The following TASOR variants were observed in gnomAD, a reference collection of about 807,000 sequenced individuals.
The protein encoded by TASOR is transcription activation suppressor.
A neutral mutation model predicts 178.6 loss-of-function variants in TASOR; 53 were observed. The ratio of observed to expected loss-of-function variants is 0.30; its 90% CI spans 0.24 to 0.37. The LOEUF (loss-of-function observed/expected upper bound fraction) is 0.37. TASOR is among the 10% of genes least tolerant of loss of function. The probability of loss-of-function intolerance (pLI) is 1.00; values close to 1 mark genes in which losing one functional copy is unlikely to be tolerated. For synonymous variants in TASOR, 713 were observed against 696.2 expected (o/e 1.02, Z -0.38); for missense variants, 1,815 against 1,971.4 (o/e 0.92, Z 1.50).
Position 56,627,569 on chromosome 3 carries a change from A to T in TASOR, c.4030+13T>A. ...AGAAGAGGAGTTACGTGCTCAAAAGAACATCATCTTACCAACTGTGACAAC... is the reference window on the plus strand; with the variant it reads ...AGAAGAGGAGTTACGTGCTCAAAAGTACATCATCTTACCAACTGTGACAAC... On this transcript the variant is annotated intron_variant, in intron 20 of 23. Transcript: ENST00000683822. 1 of 1,613,628 alleles carries T rather than the reference A, an allele frequency of 6.2e-7. No homozygotes were observed. Among genetic ancestry groups the T allele is most frequent in the Non-Finnish European group, 8.5e-7 (1 of 1,179,870 alleles).
Position 56,654,954 on chromosome 3 carries a change from T to C in TASOR, c.1368+5777A>G, listed in dbSNP as rs543031916. On this transcript the variant is annotated intron_variant, in intron 11 of 23. Transcript: ENST00000683822. The stretch of plus-strand genomic sequence containing the variant: ...TGGGACATGTCAGCCTCCATAAATG[T>C]GTGAGCCAATTCTTTACAATAAATC... 1.1e-4 allele frequency among the ~76,000 whole-genome samples: 17 copies of C among 152,302 alleles called. 1 individual carries two copies. The East Asian group carries it at 1.9e-3, about 17-fold the overall frequency.
chr3:56,641,301 C>T (rs1460595436), intron 15 of TASOR, 48 bp downstream of exon 15: 1 of 1,490,366 alleles, frequency 6.7e-7, no homozygotes, highest in Non-Finnish European at 9.0e-7. Context: ...GCACCTCTTT[C>T]ACACACACAC....
intron 11 of TASOR, among the ~76,000 whole-genome samples, chr3:56,657,667 A>C (rs1044823312): frequency 6.6e-6 from 1 of 152,234 alleles, no homozygotes; most frequent in Non-Finnish European, 1.5e-5. Context: ...AGAGGTGCCA[A>C]GAAGACTATG....
rs952089847 is a variant in TASOR, at chr3:56,622,571, A to G, written c.*466T>C. ...CTAAATGAAACTGCACTGTTAGATA[A>G]ATCTTGAGGTATCGAGCCAAAATCC... is the stretch of plus-strand genomic sequence containing the variant. On this transcript the variant is annotated 3_prime_UTR_variant, in exon 24 of 24. Coordinates refer to ENST00000683822, the MANE Select transcript of TASOR (RefSeq NM_001365635.2). 3 of 152,744 alleles carry G rather than the reference A, an allele frequency of 2.0e-5. No individual in the cohort carries two copies. Among genetic ancestry groups the G allele is most frequent in the African/African-American group, 4.8e-5 (2 of 41,462 alleles). 9.5% of individuals were successfully genotyped at this position (152,744 alleles called of 1,614,324 possible).
chr3:56,682,452 T>C (rs1183582620), intron 1 of TASOR, among the ~76,000 whole-genome samples: 1 of 151,986 alleles, frequency 6.6e-6, no homozygotes, highest in Admixed American at 6.6e-5. Flanking sequence ...AAACCTGAGC[T>C]ACTTCCAACT....
In TASOR at chr3:56,624,959, T is replaced by C; in HGVS notation, c.4187A>G (p.Gln1396Arg). The C allele has an allele frequency of 6.2e-7, 1 of 1,614,208 alleles. No individual in the cohort carries two copies. Among genetic ancestry groups the C allele is most frequent in the Non-Finnish European group, 8.5e-7 (1 of 1,180,028 alleles). ...LSLLTLLNVYQKKHLVEILSY... is the reference protein window; with the variant it reads ...LSLLTLLNVYRKKHLVEILSY... The stretch of plus-strand genomic sequence containing the variant: ...CAAAATTTCAACCAGATGTTTCTTC[T>C]GATAGACATTCAGAAGCGTCAACAG... Residue 1396 changes from glutamine to arginine, a missense_variant, in exon 22 of 24, where the codon CAG becomes CGG. Gln to Arg is a conservative substitution (Grantham distance 43). Around this residue, in one of 5 missense-constraint regions of TASOR, gnomAD observed 134 missense variants for 195.2 expected, o/e 0.69. Transcript: ENST00000683822.
chr3:56,663,804 AGTT>A lies in TASOR; in HGVS notation c.1023-235_1023-233del. On this transcript the variant is annotated intron_variant, in intron 7 of 23. Transcript: ENST00000683822. The stretch of plus-strand genomic sequence containing the variant: ...TACCACATTTACCCAAATTTAAGGG[AGTT>A]GTTTTTTCCAAAAATATTAACCAAG... 3.0e-6 allele frequency: 3 copies of A among 1,011,372 alleles called. No individual in the cohort carries two copies. In the South Asian group the frequency reaches 1.3e-4, roughly 45 times the overall value. 62.6% of individuals were successfully genotyped at this position (1,011,372 alleles called of 1,614,324 possible).
At chr3:56,651,613 T>C (rs879940148) in intron 11 of TASOR, among the ~76,000 whole-genome samples, 1 of 152,100 alleles carries the variant, frequency 6.6e-6, no homozygotes, top group African/African-American at 2.4e-5. Context: ...GGTGGGAGAA[T>C]TGCCTGATCC....
chr3:56,625,445 C>G (rs1190192337), intron 21 of TASOR, among the ~76,000 whole-genome samples: 2 of 152,040 alleles, frequency 1.3e-5, no homozygotes, highest in African/African-American at 2.4e-5. Flanking sequence ...ATCAGGAGTT[C>G]GAGACCAGCC....
chr3:56,631,583 T>TG lies in TASOR; in HGVS notation c.3747+1460dup, dbSNP rs1491393163. On this transcript the variant is annotated intron_variant, in intron 18 of 23. Transcript: ENST00000683822. ...GTGTGTGTGTGTGTCTGTGTTTTTT[T>TG]GTTTTTTTTTTTTTTTTTGAGATGG... Among the ~76,000 whole-genome samples, 1,105 of 119,512 alleles carry TG rather than the reference T, an allele frequency of 9.2e-3. 10 individuals carry two copies. Among genetic ancestry groups the TG allele is most frequent in the African/African-American group, 0.037 (1,063 of 28,662 alleles). 78.4% of individuals were successfully genotyped at this position (119,512 alleles called of 152,430 possible).
chr3:56,670,940 C>CAAAAAAAAAAAAA (rs11300845), intron 3 of TASOR, among the ~76,000 whole-genome samples: 15 of 54,184 alleles, frequency 2.8e-4, no homozygotes, highest in African/African-American at 8.8e-4. Flanking sequence ...GACTCCATCT[C>CAAAAAAAAAAAAA]AAAAAAAAAA....
chr3:56,639,320 G>A (rs1364566960), intron 16 of TASOR, among the ~76,000 whole-genome samples: 16 of 87,582 alleles, frequency 1.8e-4, no homozygotes, highest in Non-Finnish European at 2.6e-4. Flanking sequence ...AAAATGTTTA[G>A]CTAGAAAAGT....
At chr3:56,636,413 T>G (rs530733215) in intron 17 of TASOR, among the ~76,000 whole-genome samples, 2 of 152,116 alleles carry the variant, frequency 1.3e-5, no homozygotes, top group African/African-American at 4.8e-5. Flanking sequence ...GGTGTTGTTG[T>G]TGTTGTTGTT....
At chr3:56,637,889 T>G in intron 17 of TASOR, among the ~76,000 whole-genome samples, 1 of 152,100 alleles carries the variant, frequency 6.6e-6, no homozygotes, top group Admixed American at 6.5e-5. Context: ...ATCTCCTAGG[T>G]ACCCACTGCC....
chr3:56,658,981 C>T (rs937021220), intron 11 of TASOR, among the ~76,000 whole-genome samples: 2 of 140,366 alleles, frequency 1.4e-5, no homozygotes, highest in Non-Finnish European at 3.1e-5. Context: ...TGTGTGTGTG[C>T]ACGCGTGTGT....
At chr3:56,672,574 T>C (rs1396456771) in intron 2 of TASOR, among the ~76,000 whole-genome samples, 1 of 152,220 alleles carries the variant, frequency 6.6e-6, no homozygotes, top group East Asian at 1.9e-4. Flanking sequence ...ATATTCTAAT[T>C]TGTACATGAA....
In TASOR at chr3:56,674,819, T is replaced by C. The variant is rs146381463; in HGVS notation, c.332-1094A>G. On this transcript the variant is annotated intron_variant, in intron 1 of 23. Coordinates refer to ENST00000683822, the MANE Select transcript of TASOR (RefSeq NM_001365635.2). ...TCTAAGCATAGCATCTGACGCATAG[T>C]AGGACATTGTTTGTTTTGAGATGGA... Among the ~76,000 whole-genome samples the C allele has an allele frequency of 1.9e-4, 29 of 152,310 alleles. No homozygotes were observed. In the East Asian group the frequency reaches 5.2e-3, roughly 27 times the overall value.
intron 1 of TASOR, among the ~76,000 whole-genome samples, chr3:56,677,753 CTCTT>C (rs1233112508): frequency 7.2e-5 from 11 of 152,148 alleles, no homozygotes; most frequent in South Asian, 2.1e-4. Flanking sequence ...TCTAATACTG[CTCTT>C]TCTACCTTCC....
chr3:56,660,140 C>A (rs1381632400), intron 11 of TASOR, among the ~76,000 whole-genome samples: 1 of 151,884 alleles, frequency 6.6e-6, no homozygotes, highest in Non-Finnish European at 1.5e-5. Flanking sequence ...GGATTACAGG[C>A]GTGAGCCACC....
Sources: allele counts gnomAD v4.1 joint callset (sites outside exome capture counted in the v4.1 genomes callset), GRCh38; gene constraint gnomAD v4.1.1; regional missense constraint gnomAD v4.1.1; transcripts MANE v1.5; gene names NCBI Gene and HGNC (gene_info 2026-07-23, HGNC 2026-07-21).